PEAK1: variants seen among roughly 807,000 people sequenced by gnomAD.
PEAK1 encodes the protein pseudopodium enriched atypical kinase 1.
PEAK1 carries 54 observed loss-of-function variants against 124.7 expected under a neutral mutation model. The observed-to-expected ratio is 0.43, with a 90% CI of 0.35 to 0.54. The LOEUF (loss-of-function observed/expected upper bound fraction) is 0.54. PEAK1 is among the 20% of genes least tolerant of loss of function. The probability of loss-of-function intolerance (pLI) is 0.01; values close to 1 mark genes in which losing one functional copy is unlikely to be tolerated. For synonymous variants in PEAK1, 719 were observed against 760.0 expected (o/e 0.95, Z 0.89); for missense variants, 2,046 against 2,134.5 (o/e 0.96, Z 0.82).
At chr15:77,243,275 C>A (rs2060437219) in intron 6 of PEAK1, among the ~76,000 whole-genome samples, 1 of 152,278 alleles carries the variant, frequency 6.6e-6, no homozygotes, top group Non-Finnish European at 1.5e-5. Context: ...GAGCCAAGAA[C>A]AAGAATGAAT....
rs1368527387 is a variant in PEAK1, at chr15:77,108,470, C to T, written c.*5686G>A. 1 of 152,100 alleles carries T rather than the reference C, an allele frequency of 6.6e-6. No homozygotes were observed. Among genetic ancestry groups the T allele is most frequent in the Non-Finnish European group, 1.5e-5 (1 of 68,038 alleles). The allele number at this position is 152,100 out of a possible 1,614,324, so 9.4% of individuals were successfully genotyped here. Reference sequence around the variant, plus strand: ...CTGTATTTGCCTCATGCCAAAATGCCCTGCATATCCTCAACAGAAAATCCC... The same window carrying T: ...CTGTATTTGCCTCATGCCAAAATGCTCTGCATATCCTCAACAGAAAATCCC... On this transcript the variant is annotated 3_prime_UTR_variant, in exon 10 of 10. Transcript: ENST00000682557.
At chr15:77,249,604 G>A (rs980609532) in intron 6 of PEAK1, among the ~76,000 whole-genome samples, 12 of 152,184 alleles carry the variant, frequency 7.9e-5, no homozygotes, top group African/African-American at 2.9e-4. Context: ...GGTCTGCTAT[G>A]TACCTCATGG....
chr15:77,120,724 ATT>A (rs2051835491), intron 9 of PEAK1, among the ~76,000 whole-genome samples: 1 of 152,158 alleles, frequency 6.6e-6, no homozygotes, highest in South Asian at 2.1e-4. Context: ...TTTCCTCCTT[ATT>A]TAAATTTCCT....
intron 6 of PEAK1, among the ~76,000 whole-genome samples, chr15:77,224,503 G>A (rs1331270303): frequency 1.3e-5 from 2 of 152,026 alleles, no homozygotes; most frequent in East Asian, 3.8e-4. Context: ...GATGGTTAAA[G>A]TCTGCCTTAT....
intron 1 of PEAK1, chr15:77,404,368 T>G: frequency 1.0e-6 from 1 of 973,674 alleles, no homozygotes. Flanking sequence ...ACGAAGCATC[T>G]GAAATGCAGC....
At chr15:77,253,334 G>T (rs1284331852) in intron 5 of PEAK1, among the ~76,000 whole-genome samples, 1 of 151,554 alleles carries the variant, frequency 6.6e-6, no homozygotes, top group Non-Finnish European at 1.5e-5. Context: ...TTGCTAGTGT[G>T]ATCATATATT....
intron 2 of PEAK1, among the ~76,000 whole-genome samples, chr15:77,320,326 C>G (rs957678033): frequency 4.6e-5 from 7 of 152,240 alleles, no homozygotes; most frequent in South Asian, 2.1e-4. Context: ...CCCCACTGAC[C>G]TCCTCAAGAA....
intron 7 of PEAK1, among the ~76,000 whole-genome samples, chr15:77,164,478 T>C (rs2055927276): frequency 2.6e-5 from 4 of 152,302 alleles, no homozygotes; most frequent in South Asian, 4.1e-4. Flanking sequence ...ATTGTACAGA[T>C]CCACTTTTTT....
rs191502588 is a variant in PEAK1 at position 77,193,853 on chromosome 15, A to C, written c.-114-11813T>G. 7.0e-5 allele frequency among the ~76,000 whole-genome samples: 10 copies of C among 143,866 alleles called. No homozygotes were observed. The East Asian group carries it at 2.0e-3, about 29-fold the overall frequency. 94.4% of individuals were successfully genotyped at this position (143,866 alleles called of 152,430 possible). On this transcript the variant is annotated intron_variant, in intron 6 of 9. Coordinates refer to ENST00000682557, the MANE Select transcript of PEAK1 (RefSeq NM_001385026.1). Reference sequence around the variant, plus strand: ...AAACTAAACTAAACTAAACTAAACTAAACTAATCTAACTCTCTAGCCATCT... The same window carrying C: ...AAACTAAACTAAACTAAACTAAACTCAACTAATCTAACTCTCTAGCCATCT...
intron 9 of PEAK1, among the ~76,000 whole-genome samples, chr15:77,124,831 A>T (rs4886852): frequency 0.22 from 33,976 of 152,170 alleles, 4,229 homozygotes; most frequent in Middle Eastern, 0.3. Context: ...ATTTTCCACT[A>T]TTCTCTCAAT....
Position 77,190,562 on chromosome 15 carries a change from T to C in PEAK1, c.-114-8522A>G, listed in dbSNP as rs536751827. ...GGATCATTGCAATGGCCATATTAAC[T>C]AAGCACAGCAATATAATTTCCAGGA... On this transcript the variant is annotated intron_variant, in intron 6 of 9. Coordinates refer to ENST00000682557, the MANE Select transcript of PEAK1 (RefSeq NM_001385026.1). Among the ~76,000 whole-genome samples the C allele has an allele frequency of 1.2e-4, 18 of 152,348 alleles. No homozygotes were observed. In the South Asian group the frequency reaches 2.9e-3, roughly 25 times the overall value.
chr15:77,159,780 C>A (rs778743725), intron 7 of PEAK1, among the ~76,000 whole-genome samples: 1 of 152,132 alleles, frequency 6.6e-6, no homozygotes, highest in Admixed American at 6.5e-5. Context: ...GAACATATAT[C>A]GCCTGTGGAT....
chr15:77,198,781 T>C (rs368888244), intron 6 of PEAK1, among the ~76,000 whole-genome samples: 1 of 152,292 alleles, frequency 6.6e-6, no homozygotes, highest in East Asian at 1.9e-4. Context: ...CAGCAAAGGA[T>C]GGTTTGATAA....
At chr15:77,275,311 T>C (rs2062252688) in intron 5 of PEAK1, among the ~76,000 whole-genome samples, 1 of 152,118 alleles carries the variant, frequency 6.6e-6, no homozygotes, top group African/African-American at 2.4e-5. Flanking sequence ...CAAAACCTAT[T>C]GAAATAAGAC....
At chr15:77,289,568 C>T (rs959643126) in intron 2 of PEAK1, among the ~76,000 whole-genome samples, 7 of 152,080 alleles carry the variant, frequency 4.6e-5, no homozygotes, top group African/African-American at 1.7e-4. Flanking sequence ...GGGTGCAGTG[C>T]CTCACGCCTG....
In PEAK1 at chr15:77,404,560, T is replaced by C. The variant is rs971829629; in HGVS notation, c.-666+15446A>G. The stretch of plus-strand genomic sequence containing the variant: ...ACCTGCTTTTTTGTACTTTTTTAAA[T>C]GTGGCTACTAGAAAATTTGAAACTA... On this transcript the variant is annotated intron_variant, in intron 1 of 9. Coordinates refer to ENST00000682557, the MANE Select transcript of PEAK1 (RefSeq NM_001385026.1). The C allele has an allele frequency of 2.1e-4, 162 of 754,486 alleles. No homozygotes were observed. In the African/African-American group the frequency reaches 2.9e-3, roughly 14 times the overall value. The allele number at this position is 754,486 out of a possible 1,614,324, so 46.7% of individuals were successfully genotyped here.
At chr15:77,271,754 G>A (rs2062045251) in intron 5 of PEAK1, among the ~76,000 whole-genome samples, 1 of 152,124 alleles carries the variant, frequency 6.6e-6, no homozygotes, top group African/African-American at 2.4e-5. Context: ...ACACAGGAAG[G>A]AGAACATCAC....
At chr15:77,363,383 T>C (rs2068023882) in intron 2 of PEAK1, among the ~76,000 whole-genome samples, 1 of 152,162 alleles carries the variant, frequency 6.6e-6, no homozygotes, top group Non-Finnish European at 1.5e-5. Context: ...AACTGAGGCC[T>C]TTCCTTAGGC....
intron 6 of PEAK1, among the ~76,000 whole-genome samples, chr15:77,238,770 G>A (rs2060233592): frequency 6.6e-6 from 1 of 152,114 alleles, no homozygotes; most frequent in African/African-American, 2.4e-5. Flanking sequence ...TACTCCCTTG[G>A]CTTTTAAATC....
Sources: allele counts gnomAD v4.1 joint callset (sites outside exome capture counted in the v4.1 genomes callset), GRCh38; gene constraint gnomAD v4.1.1; transcripts MANE v1.5; gene names NCBI Gene and HGNC (gene_info 2026-07-23, HGNC 2026-07-21).